ARHGAP26: variants seen among roughly 807,000 people sequenced by gnomAD.
ARHGAP26 encodes Rho GTPase activating protein 26.
In ARHGAP26, 38 loss-of-function variants were observed where a neutral mutation model predicts 104.8. The observed-to-expected ratio is 0.36, with a 90% CI of 0.28 to 0.48. ARHGAP26 has a LOEUF of 0.48. ARHGAP26 is among the 20% of genes least tolerant of loss of function. The pLI, the probability that ARHGAP26 is intolerant of heterozygous loss-of-function variation, is 0.99. For synonymous variants in ARHGAP26, 341 were observed against 340.0 expected, an observed-to-expected ratio of 1.00 and a Z score of -0.03; for missense variants, 704 against 947.9, an observed-to-expected ratio of 0.74 and a Z score of 3.38.
At chr5:142,998,805 A>C (rs751251050) in intron 11 of ARHGAP26, among the ~76,000 whole-genome samples, 2 of 152,190 alleles carry the variant, frequency 1.3e-5, no homozygotes, top group Non-Finnish European at 2.9e-5. Flanking sequence ...ACAAGAAGGC[A>C]GAATATGGCC....
intron 1 of ARHGAP26, among the ~76,000 whole-genome samples, chr5:142,817,006 C>T (rs1466126244): frequency 6.6e-6 from 1 of 152,094 alleles, no homozygotes; most frequent in Non-Finnish European, 1.5e-5. Flanking sequence ...GGGGCTTGAT[C>T]ACTGACTAGA....
chr5:142,966,646 T>G (rs1422244503), intron 11 of ARHGAP26, among the ~76,000 whole-genome samples: 1 of 152,210 alleles, frequency 6.6e-6, no homozygotes, highest in African/African-American at 2.4e-5. Context: ...GCTGGAAAAA[T>G]GTATTCCAAG....
At chr5:142,913,073 C>A in intron 9 of ARHGAP26, 126 bp from the exon 10 acceptor site, 3 of 813,410 alleles carry the variant, frequency 3.7e-6, no homozygotes, top group Admixed American at 3.8e-5. Context: ...CTTCCACTGC[C>A]CATGGTCATG....
chr5:143,207,574 C>A, intron 21 of ARHGAP26: 1 of 1,415,650 alleles, frequency 7.1e-7, no homozygotes, highest in Non-Finnish European at 9.7e-7. Context: ...TCCTAAGAGA[C>A]CAGAGCTAAA....
At chr5:143,104,610 G>T (rs910087081) in intron 17 of ARHGAP26, among the ~76,000 whole-genome samples, 1 of 152,094 alleles carries the variant, frequency 6.6e-6, no homozygotes, top group Non-Finnish European at 1.5e-5. Context: ...ACATATTTGT[G>T]TACATAGAGA....
At chr5:143,083,786 ACTG>A (rs1392996853) in intron 17 of ARHGAP26, among the ~76,000 whole-genome samples, 1 of 152,260 alleles carries the variant, frequency 6.6e-6, no homozygotes, top group African/African-American at 2.4e-5. Context: ...GGCATGAGCC[ACTG>A]CACCCAGCTG....
At chr5:143,132,365 C>T (rs1797450214) in intron 18 of ARHGAP26, among the ~76,000 whole-genome samples, 1 of 151,080 alleles carries the variant, frequency 6.6e-6, no homozygotes, top group East Asian at 2.0e-4. Flanking sequence ...TAGGGCCACT[C>T]ATGGGTGAAA....
intron 1 of ARHGAP26, among the ~76,000 whole-genome samples, chr5:142,783,589 C>T (rs1285744580): frequency 6.6e-6 from 1 of 152,138 alleles, no homozygotes; most frequent in Non-Finnish European, 1.5e-5. Flanking sequence ...GGTGATGGCT[C>T]TGGAGCTGAG....
chr5:143,147,584 T>C (rs1223353052), intron 20 of ARHGAP26: 2 of 561,764 alleles, frequency 3.6e-6, no homozygotes, highest in Middle Eastern at 4.7e-4. Flanking sequence ...CTTAACATAC[T>C]GCTTCTTAGC....
At chr5:142,957,233 G>A (rs1769407506) in intron 11 of ARHGAP26, among the ~76,000 whole-genome samples, 1 of 152,140 alleles carries the variant, frequency 6.6e-6, no homozygotes. Flanking sequence ...TTTTGATAGT[G>A]CTGTAATAAA....
intron 18 of ARHGAP26, 147 bp downstream of exon 18, chr5:143,121,294 G>A (rs1796104852): frequency 1.2e-6 from 1 of 851,954 alleles, no homozygotes; most frequent in Non-Finnish European, 1.7e-6. Context: ...TAGTGATGGT[G>A]GTGATGATAA....
chr5:142,951,634 C>G (rs958605331), intron 11 of ARHGAP26, among the ~76,000 whole-genome samples: 10 of 152,110 alleles, frequency 6.6e-5, no homozygotes. Flanking sequence ...AGGGTCCTTC[C>G]AGCTCTGAGA....
At chr5:143,194,162 C>T (rs1806424895) in intron 20 of ARHGAP26, 2 of 152,198 alleles carry the variant, frequency 1.3e-5, no homozygotes, top group Non-Finnish European at 2.9e-5. Flanking sequence ...CTACATATTC[C>T]AGTCTGCCAG....
intron 14 of ARHGAP26, among the ~76,000 whole-genome samples, chr5:143,047,733 T>A (rs888244263): frequency 3.3e-5 from 5 of 152,194 alleles, no homozygotes; most frequent in African/African-American, 1.2e-4. Context: ...TTATTGCTGA[T>A]TTATACTACT....
At chr5:142,938,760 C>G (rs1331323951) in intron 11 of ARHGAP26, among the ~76,000 whole-genome samples, 2 of 152,174 alleles carry the variant, frequency 1.3e-5, no homozygotes, top group Non-Finnish European at 2.9e-5. Flanking sequence ...CATATATCCC[C>G]TTAGCTGTGA....
chr5:142,953,750 T>A (rs566639682), intron 11 of ARHGAP26, among the ~76,000 whole-genome samples: 3 of 152,260 alleles, frequency 2.0e-5, no homozygotes, highest in Non-Finnish European at 4.4e-5. Context: ...ACCAAAAGAA[T>A]TTTACCGTGT....
At chr5:143,047,830 T>TTTA (rs1193186683) in intron 14 of ARHGAP26, among the ~76,000 whole-genome samples, 1 of 152,010 alleles carries the variant, frequency 6.6e-6, no homozygotes, top group Non-Finnish European at 1.5e-5. Flanking sequence ...TTGTTTTATT[T>TTTA]TTATTATTAT....
At chr5:142,891,944 C>T (rs987565273) in intron 5 of ARHGAP26, among the ~76,000 whole-genome samples, 7 of 151,972 alleles carry the variant, frequency 4.6e-5, no homozygotes, top group African/African-American at 1.5e-4. Context: ...TGAGGTACTT[C>T]CCAGCATAGC....
chr5:142,776,288 G>A (rs1249688197), intron 1 of ARHGAP26, among the ~76,000 whole-genome samples: 2 of 152,064 alleles, frequency 1.3e-5, no homozygotes, highest in Non-Finnish European at 2.9e-5. Context: ...CTTTTCTTAA[G>A]TGTATAATTC....
Sources: allele counts gnomAD v4.1 joint callset (sites outside exome capture counted in the v4.1 genomes callset), GRCh38; gene constraint gnomAD v4.1.1; transcripts MANE v1.5; gene names NCBI Gene and HGNC (gene_info 2026-07-23, HGNC 2026-07-21).